The following RAPH1 variants were observed in gnomAD, a reference collection of about 807,000 sequenced individuals.
RAPH1 encodes Ras association (RalGDS/AF-6) and pleckstrin homology domains 1.
A neutral mutation model predicts 88.1 loss-of-function variants in RAPH1; 18 were observed. That is an observed-to-expected ratio of 0.20 (90% CI 0.14 to 0.30). The LOEUF is 0.30. RAPH1 is among the 10% of genes least tolerant of loss of function. RAPH1 has a pLI of 1.00. For synonymous variants in RAPH1, 587 were observed against 559.0 expected (o/e 1.05, Z -0.71); for missense variants, 1,448 against 1,543.2 (o/e 0.94, Z 1.03).
At chr2:203,477,182 AT>A in intron 4 of RAPH1, 1 of 1,587,660 alleles carries the variant, frequency 6.3e-7, no homozygotes, top group Non-Finnish European at 8.7e-7. Flanking sequence ...AAGGAAGAAA[AT>A]GATAGGTAAA....
In RAPH1 at chr2:203,461,387, A is replaced by C; in HGVS notation, c.832T>G (p.Ser278Ala). 1.2e-6 allele frequency: 2 copies of C among 1,605,606 alleles called. No individual in the cohort carries two copies. Among genetic ancestry groups the C allele is most frequent in the Non-Finnish European group, 1.7e-6 (2 of 1,175,856 alleles). ...ATCATTGTTTTAGAACTGTCATCAGACATGTGGACTCTGATCACCAGCTAT... is the reference window on the plus strand; with the variant it reads ...ATCATTGTTTTAGAACTGTCATCAGCCATGTGGACTCTGATCACCAGCTAT... Reference protein sequence around the residue: ...VKKLVIRVHMSDDSSKTMMVD... With the variant: ...VKKLVIRVHMADDSSKTMMVD... Residue 278 changes from serine to alanine, a missense_variant, in exon 6 of 14, where the codon TCT (serine) becomes GCT (alanine). This residue lies in a region of RAPH1 where 513 missense variants were observed against 653.1 expected (regional missense o/e 0.79). Transcript: ENST00000319170.
intron 1 of RAPH1, among the ~76,000 whole-genome samples, chr2:203,497,452 T>C (rs911433968): frequency 7.2e-5 from 11 of 152,218 alleles, no homozygotes; most frequent in Non-Finnish European, 1.6e-4. Flanking sequence ...TATCATCAAG[T>C]TAAATTTTCA....
chr2:203,441,596 C>T (rs998438001), intron 13 of RAPH1, 183 bp from the exon 14 acceptor site: 52 of 1,344,484 alleles, frequency 3.9e-5, no homozygotes, highest in Non-Finnish European at 4.8e-5. Context: ...TCTGATTGTG[C>T]GGGCAAGAAG....
chr2:203,448,370 T>C lies in RAPH1; in HGVS notation c.1513-291A>G, dbSNP rs978431605. ...GGCAGCTTTTTAGCACTCTTCAGGA[T>C]ACTGCTCCAAATGTGGTTGGTAAAT... On this transcript the variant is annotated intron_variant, in intron 11 of 13. Transcript: ENST00000319170. This position sits in a 1 kb window ranked among gnomAD's most constrained non-coding sequence, Gnocchi z 4.1. Among the ~76,000 whole-genome samples, 1 of 152,232 alleles carries C rather than the reference T, an allele frequency of 6.6e-6. No homozygotes were observed. Among genetic ancestry groups the C allele is most frequent in the Non-Finnish European group, 1.5e-5 (1 of 68,050 alleles).
At chr2:203,495,814 C>A (rs565173553) in intron 1 of RAPH1, among the ~76,000 whole-genome samples, 41 of 152,266 alleles carry the variant, frequency 2.7e-4, no homozygotes, top group Middle Eastern at 6.8e-3. Flanking sequence ...CTTAGTCCAA[C>A]AAGTATTTAA....
chr2:203,501,388 G>A (rs887813489), intron 1 of RAPH1, among the ~76,000 whole-genome samples: 4 of 152,156 alleles, frequency 2.6e-5, no homozygotes, highest in Admixed American at 2.0e-4. Context: ...AAGACCTTTA[G>A]TTCTGCTGTG....
At chr2:203,471,604 CTT>C (rs770278352) in intron 4 of RAPH1, among the ~76,000 whole-genome samples, 2 of 151,248 alleles carry the variant, frequency 1.3e-5, no homozygotes, top group Non-Finnish European at 2.9e-5. Context: ...AAGTGAAACT[CTT>C]GTCTCAAGAA....
chr2:203,455,615 T>C (rs1198991528), intron 8 of RAPH1, 35 bp from the exon 9 acceptor site: 14 of 1,597,316 alleles, frequency 8.8e-6, no homozygotes, highest in Non-Finnish European at 1.2e-5. Context: ...AGACTTATGA[T>C]CGTTGGATTC....
chr2:203,506,092 A>T (rs901029635), intron 1 of RAPH1, among the ~76,000 whole-genome samples: 6 of 152,188 alleles, frequency 3.9e-5, no homozygotes, highest in African/African-American at 1.4e-4. Context: ...CAGATGGCCA[A>T]ACGCACTGGC....
rs775829016 is a variant in RAPH1, at chr2:203,470,189, T to A, written c.733-8264A>T. The A allele has an allele frequency of 1.3e-5, 16 of 1,192,760 alleles. No homozygotes were observed. In the African/African-American group the frequency reaches 2.2e-4, roughly 16 times the overall value. The allele number at this position is 1,192,760 out of a possible 1,614,324, so 73.9% of individuals were successfully genotyped here. On this transcript the variant is annotated intron_variant, in intron 4 of 13. Transcript: ENST00000319170. Reference sequence around the variant, plus strand: ...AGCATGATCAAAAACAGAAATCATATTCTACCTACAAGGCAGTAAATAGTT... The same window carrying A: ...AGCATGATCAAAAACAGAAATCATAATCTACCTACAAGGCAGTAAATAGTT...
chr2:203,456,051 A>G (rs1407729547), intron 8 of RAPH1, among the ~76,000 whole-genome samples: 1 of 151,830 alleles, frequency 6.6e-6, no homozygotes, highest in Non-Finnish European at 1.5e-5. Context: ...AACAAGACAA[A>G]ACACTTTCTA....
chr2:203,470,313 G>A (rs1393517175), intron 4 of RAPH1: 4 of 1,602,360 alleles, frequency 2.5e-6, no homozygotes, highest in South Asian at 1.1e-5. Context: ...AGATAGGAGT[G>A]CTTGTTCAGA....
At chr2:203,451,529 C>T (rs1452562653) in intron 10 of RAPH1, among the ~76,000 whole-genome samples, 1 of 152,142 alleles carries the variant, frequency 6.6e-6, no homozygotes. Flanking sequence ...ATTATGCTGT[C>T]ATTTTTAAAA....
chr2:203,522,307 G>T (rs1689913316), intron 1 of RAPH1, among the ~76,000 whole-genome samples: 1 of 152,118 alleles, frequency 6.6e-6, no homozygotes, highest in African/African-American at 2.4e-5. Context: ...TAAAAATAAA[G>T]CTATGTGTAA....
At chr2:203,498,393 G>A (rs894777451) in intron 1 of RAPH1, among the ~76,000 whole-genome samples, 6 of 152,166 alleles carry the variant, frequency 3.9e-5, no homozygotes, top group African/African-American at 1.2e-4. Context: ...CACACACTAA[G>A]AGGAAGTTAT....
rs182722110 is a variant in RAPH1, at chr2:203,465,620, G to A, written c.733-3695C>T. Among the ~76,000 whole-genome samples, 118 of 152,332 alleles carry A rather than the reference G, an allele frequency of 7.7e-4. 1 individual carries two copies. The highest frequency in any genetic ancestry group is 3.4e-3 in the Middle Eastern group (1 of 294). On this transcript the variant is annotated intron_variant, in intron 4 of 13. Coordinates refer to ENST00000319170, the MANE Select transcript of RAPH1 (RefSeq NM_213589.3). ...TGTACAACACCGGCAAGGCATGGTG[G>A]CCCATGCCTGTAATCCCAGCACTTT... is the stretch of plus-strand genomic sequence containing the variant.
Position 203,440,671 on chromosome 2 carries a change from A to G in RAPH1, c.2519T>C (p.Leu840Ser). The change falls in exon 14 of 14, where the codon TTA becomes TCA. Residue 840 changes from leucine to serine, a missense_variant. By Grantham distance (145) the Leu-to-Ser change is moderately radical (BLOSUM62 -2). Around this residue, in one of 2 missense-constraint regions of RAPH1, gnomAD observed 935 missense variants for 890.1 expected, o/e 1.05. Coordinates refer to ENST00000319170, the MANE Select transcript of RAPH1 (RefSeq NM_213589.3). ...TGCACAGAAGCTCTGTTGCTTGGGT[A>G]ATGTTGGCGGGGGTACTGGAACAGG... ...TPPVPVPPPT[L>S]PKQQSFCAKP... 6.8e-7 allele frequency: 1 copy of G among 1,475,820 alleles called. No individual in the cohort carries two copies. Among genetic ancestry groups the G allele is most frequent in the Non-Finnish European group, 9.1e-7 (1 of 1,098,878 alleles). The allele number at this position is 1,475,820 out of a possible 1,614,324, so 91.4% of individuals were successfully genotyped here.
intron 1 of RAPH1, among the ~76,000 whole-genome samples, chr2:203,519,638 T>C (rs76829926): frequency 0.099 from 15,114 of 152,048 alleles, 857 homozygotes; most frequent in Admixed American, 0.12. Context: ...ATACTGGAAA[T>C]AACAAGATAA....
intron 10 of RAPH1, among the ~76,000 whole-genome samples, chr2:203,450,555 A>G (rs1194263272): frequency 2.0e-5 from 3 of 152,216 alleles, no homozygotes; most frequent in Non-Finnish European, 4.4e-5. Flanking sequence ...TACCTCATTC[A>G]TTCATTCAAC....
Sources: allele counts gnomAD v4.1 joint callset (sites outside exome capture counted in the v4.1 genomes callset), GRCh38; gene constraint gnomAD v4.1.1; regional missense constraint gnomAD v4.1.1; non-coding constraint Gnocchi (gnomAD v3.1); transcripts MANE v1.5; gene names NCBI Gene and HGNC (gene_info 2026-07-23, HGNC 2026-07-21).